The following GC variants were observed in gnomAD, a reference collection of about 807,000 sequenced individuals.
GC encodes vitamin D-binding protein.
In GC, 43 loss-of-function variants were observed where a neutral mutation model predicts 56.7. The observed-to-expected ratio is 0.76, with a 90% confidence interval of 0.59 to 0.98. The LOEUF is 0.98. GC is among the 50% of genes least tolerant of loss of function. GC has a pLI of 0.00. For missense variants in GC, 529 were observed against 545.9 expected, an observed-to-expected ratio of 0.97 and a Z score of 0.31; for synonymous variants, 216 against 202.7, an observed-to-expected ratio of 1.07 and a Z score of -0.56.
At chr4:71,763,028 C>T (rs1340566035) in intron 6 of GC, among the ~76,000 whole-genome samples, 1 of 152,040 alleles carries the variant, frequency 6.6e-6, no homozygotes, top group Non-Finnish European at 1.5e-5. Context: ...TGTCTCATTC[C>T]AAGAAAAATT....
chr4:71,801,770 A>T (rs1743259768), intron 1 of GC, among the ~76,000 whole-genome samples: 1 of 152,046 alleles, frequency 6.6e-6, no homozygotes, highest in African/African-American at 2.4e-5. Context: ...TTTAACTAGC[A>T]TATTTTATTC....
chr4:71,767,787 T>C (rs1742203560), intron 3 of GC, among the ~76,000 whole-genome samples: 2 of 151,948 alleles, frequency 1.3e-5, no homozygotes, highest in African/African-American at 4.8e-5. Context: ...GTGTACCTAA[T>C]GTATAGTTTT....
intron 11 of GC, among the ~76,000 whole-genome samples, 171 bp downstream of exon 11, chr4:71,752,347 T>C (rs1183158595): frequency 6.6e-6 from 1 of 152,244 alleles, no homozygotes. Context: ...GAGCATAGCA[T>C]GAAATCAGTT....
upstream of GC, among the ~76,000 whole-genome samples, chr4:71,805,024 T>C (rs1377873939): frequency 6.6e-6 from 1 of 152,092 alleles, no homozygotes; most frequent in Non-Finnish European, 1.5e-5. Flanking sequence ...GCCCATAATG[T>C]TAAAGATGTT....
At chr4:71,774,933 C>T (rs564576662) in intron 1 of GC, among the ~76,000 whole-genome samples, 336 of 151,486 alleles carry the variant, frequency 2.2e-3, no homozygotes, top group Non-Finnish European at 4.1e-3. Context: ...TTTATGGTAT[C>T]GAAAGATTCA....
chr4:71,794,161 C>T (rs1371009403), intron 1 of GC, among the ~76,000 whole-genome samples: 1 of 152,154 alleles, frequency 6.6e-6, no homozygotes. Context: ...CAGGATGATG[C>T]TGGCCTCATA....
chr4:71,747,349 G>A (rs769857386), intron 11 of GC, among the ~76,000 whole-genome samples: 24 of 152,028 alleles, frequency 1.6e-4, no homozygotes, highest in African/African-American at 2.4e-4. Flanking sequence ...TTGAGAAAAT[G>A]TAGTGCCATG....
At chr4:71,780,744 G>A (rs1742649150) in intron 1 of GC, among the ~76,000 whole-genome samples, 1 of 152,148 alleles carries the variant, frequency 6.6e-6, no homozygotes, top group South Asian at 2.1e-4. Flanking sequence ...AACAGGTGCT[G>A]GAGAGGATGT....
In GC at chr4:71,746,198, G is replaced by A; in HGVS notation, c.1403C>T (p.Ala468Val). 1 of 1,318,872 alleles carries A rather than the reference G, an allele frequency of 7.6e-7. No individual in the cohort carries two copies. Among genetic ancestry groups the A allele is most frequent in the Non-Finnish European group, 1.1e-6 (1 of 917,724 alleles). The allele number at this position is 1,318,872 out of a possible 1,614,324, so 81.7% of individuals were successfully genotyped here. ...PPLYCDSEID[A>V]ELKNIL is the part of the protein sequence containing the mutation. ...GGACTACAGGATATTCTTCAATTCA[G>A]CATCAATCTGATAATGAAAAAAGAA... The change falls in exon 12 of 13, where the codon GCT becomes GTT. Residue 468 changes from alanine (A) to valine (V), a missense_variant. Coordinates refer to ENST00000273951, the MANE Select transcript of GC (RefSeq NM_000583.4).
Position 71,756,792 on chromosome 4 carries a change from G to A in GC, c.954C>T (p.Ala318=), listed in dbSNP as rs757797720. The change falls in exon 8 of 13, where the codon GCC becomes GCT. Residue 318 remains alanine, a synonymous_variant. Transcript: ENST00000273951. ...VFVCTYFMPA[A]QLPELPDVEL... ...CTACATCTGGAAGCTCGGGGAGTTG[G>A]GCAGCTGGCATGAAGTAAGTGCACA... The A allele has an allele frequency of 3.7e-6, 6 of 1,613,714 alleles. No individual in the cohort carries two copies. The highest frequency in any genetic ancestry group is 5.1e-6 in the Non-Finnish European group (6 of 1,179,704).
intron 1 of GC, among the ~76,000 whole-genome samples, chr4:71,772,973 T>A (rs892325105): frequency 2.0e-5 from 3 of 152,112 alleles, no homozygotes; most frequent in Non-Finnish European, 4.4e-5. Context: ...TAAAGTTAAT[T>A]TGCAATGTGA....
chr4:71,784,678 C>T (rs1360950358), upstream of GC, among the ~76,000 whole-genome samples: 1 of 151,686 alleles, frequency 6.6e-6, no homozygotes, highest in African/African-American at 2.4e-5. Flanking sequence ...GAAGCACTGA[C>T]ATATATATGA....
In GC at chr4:71,765,631, AC is replaced by A; in HGVS notation, c.273del (p.Ser92LeufsTer35). The part of the protein sequence containing the change: ...PDCYDTRTSA[L>X]SAKSCESNSP... ...GAATTACTTTCACAGGACTTGGCAG[AC>A]AGTGCTGAGGTCTGGAGGAGAAGGA... On this transcript the variant is annotated frameshift_variant, in exon 4 of 13. Coordinates refer to ENST00000273951, the MANE Select transcript of GC (RefSeq NM_000583.4). LOFTEE classifies it high-confidence loss of function. 6.2e-7 allele frequency: 1 copy of A among 1,611,356 alleles called. No homozygotes were observed. The highest frequency in any genetic ancestry group is 8.5e-7 in the Non-Finnish European group (1 of 1,177,744).
Position 71,763,937 on chromosome 4 carries a change from C to G in GC, c.474-1G>C. 1.9e-6 allele frequency: 3 copies of G among 1,606,038 alleles called. No individual in the cohort carries two copies. Among genetic ancestry groups the G allele is most frequent in the Non-Finnish European group, 2.6e-6 (3 of 1,175,716 alleles). On this transcript the variant is annotated splice_acceptor_variant, in intron 4 of 12. Coordinates refer to ENST00000273951, the MANE Select transcript of GC (RefSeq NM_000583.4). LOFTEE classifies it high-confidence loss of function. ...ATTAGTGGAATATTCCCACATAAAT[C>G]TGTGGAGGAAAAAATAGAATTGGTC...
At chr4:71,743,948 C>T (rs1311103277) in intron 12 of GC, among the ~76,000 whole-genome samples, 1 of 152,078 alleles carries the variant, frequency 6.6e-6, no homozygotes, top group Non-Finnish European at 1.5e-5. Flanking sequence ...GGTAGCCAAA[C>T]AATTTAGTGG....
At chr4:71,768,528 G>C (rs1742244821) in intron 2 of GC, 95 bp from the exon 3 acceptor site, 6 of 1,089,480 alleles carry the variant, frequency 5.5e-6, no homozygotes, top group Non-Finnish European at 6.5e-6. Context: ...GAGTGCAGTG[G>C]TGTGATCTCA....
chr4:71,747,654 G>A (rs1741417423), intron 11 of GC, among the ~76,000 whole-genome samples: 1 of 152,138 alleles, frequency 6.6e-6, no homozygotes, highest in South Asian at 2.1e-4. Context: ...ACTGCAAAGG[G>A]TTGAGGAATT....
At chr4:71,758,655 C>T (rs1741866006) in intron 6 of GC, among the ~76,000 whole-genome samples, 1 of 152,074 alleles carries the variant, frequency 6.6e-6, no homozygotes, top group African/African-American at 2.4e-5. Context: ...GAATGGTATG[C>T]TATACTATTC....
At chr4:71,782,547 T>A (rs1199836242) in intron 1 of GC, among the ~76,000 whole-genome samples, 1 of 151,856 alleles carries the variant, frequency 6.6e-6, no homozygotes, top group African/African-American at 2.4e-5. Context: ...TTCATCAGAA[T>A]CTGAGGACTG....
Sources: allele counts gnomAD v4.1 joint callset (sites outside exome capture counted in the v4.1 genomes callset), GRCh38; gene constraint gnomAD v4.1.1; transcripts MANE v1.5; gene names NCBI Gene and HGNC (gene_info 2026-07-23, HGNC 2026-07-21).